NT5DC1: variants seen among roughly 807,000 people sequenced by gnomAD.
NT5DC1 encodes 5'-nucleotidase domain containing 1, also known as 5'-nucleotidase domain-containing protein 1.
A neutral mutation model predicts 59.4 loss-of-function variants in NT5DC1; 42 were observed. The ratio of observed to expected loss-of-function variants is 0.71; its 90% CI spans 0.55 to 0.92. NT5DC1 has a LOEUF of 0.92. Ranked by LOEUF, NT5DC1 falls within the 40% of genes least tolerant of loss-of-function variation. The pLI, the probability that NT5DC1 is intolerant of heterozygous loss-of-function variation, is 0.00. For missense variants in NT5DC1, 501 were observed against 537.1 expected, an observed-to-expected ratio of 0.93 and a Z score of 0.66; for synonymous variants, 172 against 188.1, an observed-to-expected ratio of 0.91 and a Z score of 0.70.
intron 6 of NT5DC1, among the ~76,000 whole-genome samples, chr6:116,156,038 A>T (rs1271698531): frequency 1.3e-5 from 2 of 152,220 alleles, no homozygotes; most frequent in South Asian, 2.1e-4. Context: ...GTAATAAAAC[A>T]TTATGATAGT....
At chr6:116,189,561 A>G (rs1781074733) in intron 6 of NT5DC1, among the ~76,000 whole-genome samples, 1 of 151,962 alleles carries the variant, frequency 6.6e-6, no homozygotes, top group African/African-American at 2.4e-5. Context: ...GATGACATTG[A>G]GTTGTGCTTG....
intron 6 of NT5DC1, among the ~76,000 whole-genome samples, chr6:116,182,075 G>A (rs923159865): frequency 1.3e-5 from 2 of 151,934 alleles, no homozygotes; most frequent in African/African-American, 4.8e-5. Context: ...TTATGCCTTT[G>A]TGTCTTCATA....
chr6:116,142,251 C>A (rs1779785856), intron 6 of NT5DC1, among the ~76,000 whole-genome samples: 1 of 151,674 alleles, frequency 6.6e-6, no homozygotes, highest in South Asian at 2.1e-4. Context: ...AAAGACAAAA[C>A]ACCATAAACT....
intron 6 of NT5DC1, among the ~76,000 whole-genome samples, chr6:116,142,083 A>G (rs1345359982): frequency 6.6e-6 from 1 of 152,080 alleles, no homozygotes; most frequent in Non-Finnish European, 1.5e-5. Flanking sequence ...AATGGAATTG[A>G]TATTAGGATC....
rs1169691522 is a variant in NT5DC1, at chr6:116,236,826, T to C, written c.803-140T>C. 3 of 615,352 alleles carry C rather than the reference T, an allele frequency of 4.9e-6. No homozygotes were observed. In the East Asian group the frequency reaches 8.2e-5, roughly 17 times the overall value. 38.1% of individuals were successfully genotyped at this position (615,352 alleles called of 1,614,324 possible). A position where few individuals can be genotyped will look rare whatever the true frequency, so the allele number is the denominator to read the frequency against. ...ATACCTATAAGGGCCTTATAATATG[T>C]AGGTACCACTGAATGTCAGCTCCTT... On this transcript the variant is annotated intron_variant, in intron 8 of 11. Transcript: ENST00000319550.
At position 116,237,042 on chromosome 6, in the gene NT5DC1, C is replaced by T. The variant is rs563680984; in HGVS notation, c.879C>T (p.Leu293=). The T allele has an allele frequency of 8.1e-6, 13 of 1,613,286 alleles. No homozygotes were observed. Among genetic ancestry groups the T allele is most frequent in the East Asian group, 2.2e-5 (1 of 44,880 alleles). ...ACTCCCAAGGGAACGCTGTCCACCT[C>T]TATGAACTTCTGAAGAAAATGACTG... is the stretch of plus-strand genomic sequence containing the variant. ...GWYSQGNAVH[L]YELLKKMTGK... is the part of the protein sequence containing the mutation. The change falls in exon 9 of 12, where the codon CTC becomes CTT. Residue 293 remains leucine, a synonymous_variant. Transcript: ENST00000319550.
intron 1 of NT5DC1, among the ~76,000 whole-genome samples, chr6:116,102,814 C>T (rs1778686934): frequency 6.6e-6 from 1 of 152,230 alleles, no homozygotes; most frequent in Non-Finnish European, 1.5e-5. Flanking sequence ...CAGCCTTACA[C>T]AGTAGGCAAA....
chr6:116,249,454 A>G lies in NT5DC1; in HGVS notation c.*5430A>G, dbSNP rs1582892197. On this transcript the variant is annotated 3_prime_UTR_variant, in exon 12 of 12. Coordinates refer to ENST00000319550, the MANE Select transcript of NT5DC1 (RefSeq NM_152729.3). ...TAAACTTTCATGTAATTGCTGCTAT[A>G]CAGCAAAACTATCATTACCGGTAAT... 1.3e-5 allele frequency: 2 copies of G among 152,332 alleles called. No homozygotes were observed. Among genetic ancestry groups the G allele is most frequent in the African/African-American group, 4.8e-5 (2 of 41,586 alleles). The allele number at this position is 152,332 out of a possible 1,614,324, so 9.4% of individuals were successfully genotyped here.
intron 6 of NT5DC1, among the ~76,000 whole-genome samples, chr6:116,152,745 T>C (rs1359076393): frequency 6.6e-6 from 1 of 152,192 alleles, no homozygotes; most frequent in African/African-American, 2.4e-5. Flanking sequence ...TGTTCCATAC[T>C]TAGGTTTCCT....
At chr6:116,197,044 T>C (rs1161030209) in intron 6 of NT5DC1, among the ~76,000 whole-genome samples, 1 of 151,686 alleles carries the variant, frequency 6.6e-6, no homozygotes, top group Non-Finnish European at 1.5e-5. Context: ...GCTGTGTGTG[T>C]CCATCAGAGC....
At chr6:116,213,271 T>C (rs1781618340) in intron 6 of NT5DC1, among the ~76,000 whole-genome samples, 2 of 152,108 alleles carry the variant, frequency 1.3e-5, no homozygotes, top group Admixed American at 1.3e-4. Context: ...AGGGGCTCAC[T>C]ATGTCTTGCA....
intron 6 of NT5DC1, among the ~76,000 whole-genome samples, chr6:116,220,464 A>C (rs1781776131): frequency 6.6e-6 from 1 of 152,158 alleles, no homozygotes; most frequent in Admixed American, 6.5e-5. Flanking sequence ...TCCCTGTCAA[A>C]TACAGTGCCT....
At position 116,238,353 on chromosome 6, in the gene NT5DC1, G is replaced by T; in HGVS notation, c.1083+5G>T. On this transcript the variant is annotated splice_donor_5th_base_variant and intron_variant, in intron 10 of 11. Coordinates refer to ENST00000319550, the MANE Select transcript of NT5DC1 (RefSeq NM_152729.3). ...GAGAAGAAAGGAAAATATGAGGTAA[G>T]GGTTCCCTGCAGCTCTTTCCTTGAA... 6.3e-7 allele frequency: 1 copy of T among 1,578,302 alleles called. No individual in the cohort carries two copies. The highest frequency in any genetic ancestry group is 8.6e-7 in the Non-Finnish European group (1 of 1,165,362).
chr6:116,203,169 T>A (rs1781381140), intron 6 of NT5DC1, among the ~76,000 whole-genome samples: 1 of 152,016 alleles, frequency 6.6e-6, no homozygotes, highest in African/African-American at 2.4e-5. Context: ...TACTAAACAG[T>A]TTTACAGTAT....
rs1771888054 is a variant in NT5DC1, at chr6:116,248,450, G to A, written c.*4426G>A. ...CTCAGTAATTAAAAATATAGGCAAG[G>A]GTTTGTTTTGGTTTTTGTTTGTTAA... On this transcript the variant is annotated 3_prime_UTR_variant, in exon 12 of 12. Coordinates refer to ENST00000319550, the MANE Select transcript of NT5DC1 (RefSeq NM_152729.3). 1.3e-5 allele frequency: 2 copies of A among 152,134 alleles called. No homozygotes were observed. The highest frequency in any genetic ancestry group is 4.1e-4 in the South Asian group (2 of 4,834). 9.4% of individuals were successfully genotyped at this position (152,134 alleles called of 1,614,324 possible). A position where few individuals can be genotyped will look rare whatever the true frequency, so the allele number is the denominator to read the frequency against.
intron 6 of NT5DC1, among the ~76,000 whole-genome samples, chr6:116,167,231 T>TTG (rs1780490296): frequency 7.6e-6 from 1 of 132,174 alleles, no homozygotes; most frequent in Non-Finnish European, 1.6e-5. Context: ...TTTTTTTTTT[T>TTG]GAGACAGAAT....
At chr6:116,198,433 A>G (rs1429055559) in intron 6 of NT5DC1, among the ~76,000 whole-genome samples, 1 of 152,012 alleles carries the variant, frequency 6.6e-6, no homozygotes, top group African/African-American at 2.4e-5. Flanking sequence ...CGTCCCATAC[A>G]TAAGAACTAC....
At chr6:116,152,767 A>G (rs1780078861) in intron 6 of NT5DC1, among the ~76,000 whole-genome samples, 1 of 152,124 alleles carries the variant, frequency 6.6e-6, no homozygotes, top group Non-Finnish European at 1.5e-5. Context: ...TTACAACTCT[A>G]ATATAGTTCT....
intron 4 of NT5DC1, among the ~76,000 whole-genome samples, chr6:116,113,088 T>C (rs1034551651): frequency 2.0e-5 from 3 of 152,234 alleles, no homozygotes; most frequent in African/African-American, 4.8e-5. Context: ...TTTGAACTTA[T>C]CTTCCCCAAA....
Sources: allele counts gnomAD v4.1 joint callset (sites outside exome capture counted in the v4.1 genomes callset), GRCh38; gene constraint gnomAD v4.1.1; transcripts MANE v1.5; gene names NCBI Gene and HGNC (gene_info 2026-07-23, HGNC 2026-07-21).